PDGFRB: variants seen among roughly 807,000 people sequenced by gnomAD.
PDGFRB encodes platelet derived growth factor receptor beta.
A neutral mutation model predicts 120.2 loss-of-function variants in PDGFRB; 42 were observed. That is an observed-to-expected ratio of 0.35 (90% CI 0.27 to 0.45). The LOEUF (loss-of-function observed/expected upper bound fraction) is 0.45, where lower values mean the gene tolerates loss of function less well. PDGFRB is among the 20% of genes least tolerant of loss of function. The pLI is 1.00. For missense variants in PDGFRB, 1,149 were observed against 1,476.3 expected (o/e 0.78, Z 3.63); for synonymous variants, 586 against 606.8 (o/e 0.97, Z 0.50).
chr5:150,132,965 G>A lies in PDGFRB; in HGVS notation c.935-23C>T, dbSNP rs1308084140. 1 of 1,521,396 alleles carries A rather than the reference G, an allele frequency of 6.6e-7. No homozygotes were observed. Among genetic ancestry groups the A allele is most frequent in the Non-Finnish European group, 8.9e-7 (1 of 1,124,058 alleles). The allele number at this position is 1,521,396 out of a possible 1,614,324, so 94.2% of individuals were successfully genotyped here. On this transcript the variant is annotated intron_variant, in intron 6 of 22. Transcript: ENST00000261799. This position sits in a 1 kb window ranked among gnomAD's most constrained non-coding sequence, Gnocchi z 5.0. ...TCTCTGCAAGGGGTGACCGTCAGGG[G>A]CGGGGCCCTGGGGGCAGGGCACCAA...
At chr5:150,138,045 A>ACAGAAGCAAGGACAAAGACAGAGG (rs1760686866) in intron 1 of PDGFRB, among the ~76,000 whole-genome samples, 6 of 150,588 alleles carry the variant, frequency 4.0e-5, no homozygotes, top group Admixed American at 3.3e-4. Context: ...AAAGACAGAG[A>ACAGAAGCAAGGACAAAGACAGAGG]CAGACTGAAT....
At position 150,132,033 on chromosome 5, in the gene PDGFRB, G is replaced by A. The variant is rs377445092; in HGVS notation, c.1189C>T (p.Arg397Trp). 83 of 1,611,472 alleles carry A rather than the reference G, an allele frequency of 5.2e-5. No individual in the cohort carries two copies. The African/African-American group carries it at 5.9e-4, about 11-fold the overall frequency. Residue 397 changes from arginine to tryptophan, a missense_variant, in exon 8 of 23, where the codon CGG becomes TGG. By Grantham distance (101) the Arg-to-Trp change is moderately radical. Transcript: ENST00000261799. The surrounding 1 kb of genome is among the most constrained non-coding windows in gnomAD (Gnocchi z 5.0). ...KVAEAGHYTM[R>W]AFHEDAEVQL... ...ACCTCAGCATCCTCATGGAAGGCCCGCATGGTGTAGTGGCCAGCCTCTGCC... is the reference window on the plus strand; with the variant it reads ...ACCTCAGCATCCTCATGGAAGGCCCACATGGTGTAGTGGCCAGCCTCTGCC...
At chr5:150,118,922 G>A (rs1760048797) in intron 20 of PDGFRB, 70 bp from the exon 21 acceptor site, 1 of 886,474 alleles carries the variant, frequency 1.1e-6, no homozygotes, top group African/African-American at 1.7e-5. Context: ...TGGGGGAGCA[G>A]GAGGCTGCTG....
Position 150,133,020 on chromosome 5 carries a change from G to T in PDGFRB, c.935-78C>A, listed in dbSNP as rs983780237. ...ATCCCAAAGGAGGCCAGCCTGTGGG[G>T]TGGGGCTTCAGGCCTGGGGACCGTG... On this transcript the variant is annotated intron_variant, in intron 6 of 22. Coordinates refer to ENST00000261799, the MANE Select transcript of PDGFRB (RefSeq NM_002609.4). The T allele has an allele frequency of 4.0e-5, 42 of 1,044,426 alleles. No individual in the cohort carries two copies. In the Admixed American group the frequency reaches 4.1e-4, roughly 10 times the overall value. 64.7% of individuals were successfully genotyped at this position (1,044,426 alleles called of 1,614,324 possible). A position where few individuals can be genotyped will look rare whatever the true frequency, so the allele number is the denominator to read the frequency against.
intron 2 of PDGFRB, 68 bp from the exon 3 acceptor site, chr5:150,135,946 C>A: frequency 8.9e-7 from 1 of 1,122,250 alleles, no homozygotes. Flanking sequence ...GCTGAGCCTG[C>A]GAGGAGGCCA....
chr5:150,145,705 C>A (rs921073990), intron 1 of PDGFRB, among the ~76,000 whole-genome samples: 2 of 152,036 alleles, frequency 1.3e-5, no homozygotes, highest in Non-Finnish European at 2.9e-5. Context: ...AAGGACAGCC[C>A]AGTACCTGGC....
At chr5:150,138,712 G>C (rs902180183) in intron 1 of PDGFRB, among the ~76,000 whole-genome samples, 1 of 152,192 alleles carries the variant, frequency 6.6e-6, no homozygotes, top group African/African-American at 2.4e-5. Context: ...TGGATGCCAG[G>C]CCTCCTTGGT....
chr5:150,154,465 G>C (rs889737373), intron 1 of PDGFRB, among the ~76,000 whole-genome samples: 1 of 152,194 alleles, frequency 6.6e-6, no homozygotes, highest in African/African-American at 2.4e-5. Context: ...TGGGGTTGCT[G>C]GTGAGCATTA....
In PDGFRB at chr5:150,114,673, C is replaced by G. The variant is rs1759868576; in HGVS notation, c.*1090G>C. 4.3e-6 allele frequency: 1 copy of G among 233,290 alleles called. No individual in the cohort carries two copies. Among genetic ancestry groups the G allele is most frequent in the Non-Finnish European group, 8.5e-6 (1 of 118,022 alleles). The allele number at this position is 233,290 out of a possible 1,614,324, so 14.5% of individuals were successfully genotyped here. On this transcript the variant is annotated 3_prime_UTR_variant, in exon 23 of 23. Transcript: ENST00000261799. Reference sequence around the variant, plus strand: ...GAGTGTGATGTGTGATCTGGAATCTCCCAGGAGCCCAGCTGACCCCCAGGA... The same window carrying G: ...GAGTGTGATGTGTGATCTGGAATCTGCCAGGAGCCCAGCTGACCCCCAGGA...
intron 15 of PDGFRB, among the ~76,000 whole-genome samples, chr5:150,122,626 T>C (rs1045440681): frequency 2.6e-5 from 4 of 152,246 alleles, no homozygotes; most frequent in African/African-American, 9.6e-5. Flanking sequence ...GTGTTCTTTT[T>C]GGAAAAGACA....
chr5:150,118,812 T>A lies in PDGFRB; in HGVS notation c.2839A>T (p.Ile947Phe). The A allele has an allele frequency of 6.2e-7, 1 of 1,613,374 alleles. No individual in the cohort carries two copies. Among genetic ancestry groups the A allele is most frequent in the Admixed American group, 1.7e-5 (1 of 59,994 alleles). The change falls in exon 21 of 23, where the codon ATT becomes TTT. Residue 947 changes from isoleucine (I) to phenylalanine (F), a missense_variant. Physicochemically the swap from Ile to Phe is conservative, Grantham distance 21. Coordinates refer to ENST00000261799, the MANE Select transcript of PDGFRB (RefSeq NM_002609.4). ...MQKCWEEKFE[I>F]RPPFSQLVLL... ...ACCAGCTGGGAGAAGGGGGGCCGAA[T>A]CTCAAACTTCTCTTCCCAGCACTTC...
chr5:150,131,348 C>T (rs1243404681), intron 8 of PDGFRB, among the ~76,000 whole-genome samples: 1 of 152,160 alleles, frequency 6.6e-6, no homozygotes, highest in South Asian at 2.1e-4. Context: ...TTGCACTGCC[C>T]GAGGTACCCT....
intron 15 of PDGFRB, among the ~76,000 whole-genome samples, chr5:150,122,441 TG>T (rs368769071): frequency 1.3e-5 from 2 of 152,074 alleles, no homozygotes; most frequent in Non-Finnish European, 2.9e-5. Context: ...CAAAGAGCTG[TG>T]GGGCTCTACA....
chr5:150,114,889 C>T lies in PDGFRB; in HGVS notation c.*874G>A, dbSNP rs995089693. The stretch of plus-strand genomic sequence containing the variant: ...CCTCATAGCAGGTCCAATGCAGAGC[C>T]AGGGCCATATACTGGCACACACACG... On this transcript the variant is annotated 3_prime_UTR_variant, in exon 23 of 23. Coordinates refer to ENST00000261799, the MANE Select transcript of PDGFRB (RefSeq NM_002609.4). 7 of 233,278 alleles carry T rather than the reference C, an allele frequency of 3.0e-5. No homozygotes were observed. Among genetic ancestry groups the T allele is most frequent in the Admixed American group, 1.1e-4 (2 of 17,780 alleles). The allele number at this position is 233,278 out of a possible 1,614,324, so 14.5% of individuals were successfully genotyped here. A position where few individuals can be genotyped will look rare whatever the true frequency, so the allele number is the denominator to read the frequency against.
At chr5:150,141,313 A>T (rs891441606) in intron 1 of PDGFRB, among the ~76,000 whole-genome samples, 2 of 152,244 alleles carry the variant, frequency 1.3e-5, no homozygotes, top group Non-Finnish European at 2.9e-5. Context: ...CTGAACACAC[A>T]GCCATATGCA....
intron 4 of PDGFRB, 94 bp from the exon 5 acceptor site, chr5:150,134,102 G>A (rs1471358118): frequency 2.8e-6 from 3 of 1,084,390 alleles, no homozygotes; most frequent in Admixed American, 1.7e-5. Flanking sequence ...AGAGGGAAAG[G>A]ATGACTGATG....
chr5:150,147,116 C>T lies in PDGFRB; in HGVS notation c.-7+8281G>A, dbSNP rs192319625. On this transcript the variant is annotated intron_variant, in intron 1 of 22. Transcript: ENST00000261799. ...CAGGCAATCAGCCCAGGTGTGTGGCCGGCTCTGCCACAGGCCTGCTGTGCA... is the reference window on the plus strand; with the variant it reads ...CAGGCAATCAGCCCAGGTGTGTGGCTGGCTCTGCCACAGGCCTGCTGTGCA... 3.9e-3 allele frequency among the ~76,000 whole-genome samples: 601 copies of T among 152,268 alleles called. 2 individuals carry two copies. Among genetic ancestry groups the T allele is most frequent in the Admixed American group, 5.6e-3 (86 of 15,302 alleles).
rs904740973 is a variant in PDGFRB at position 150,130,602 on chromosome 5, C to T, written c.1304G>A (p.Arg435His). 25 of 1,612,374 alleles carry T rather than the reference C, an allele frequency of 1.6e-5. No individual in the cohort carries two copies. Among genetic ancestry groups the T allele is most frequent in the East Asian group, 2.2e-5 (1 of 44,868 alleles). ...CTGGGGCATGCCCCGGCCACGACAGCGGACTGTCTGTTCCCCACTGTCAGG... is the reference window on the plus strand; with the variant it reads ...CTGGGGCATGCCCCGGCCACGACAGTGGACTGTCTGTTCCCCACTGTCAGG... ...SHPDSGEQTVRCRGRGMPQPN... is the reference protein window; with the variant it reads ...SHPDSGEQTVHCRGRGMPQPN... The change falls in exon 9 of 23, where the codon CGC becomes CAC. Residue 435 changes from arginine to histidine, a missense_variant. Transcript: ENST00000261799.
At chr5:150,144,565 A>G (rs1260844819) in intron 1 of PDGFRB, among the ~76,000 whole-genome samples, 1 of 152,234 alleles carries the variant, frequency 6.6e-6, no homozygotes, top group Non-Finnish European at 1.5e-5. Context: ...TGATCTCCCC[A>G]GCCCGAGCCC....
Sources: gnomAD v4.1 joint callset for allele counts (sites outside exome capture counted in the v4.1 genomes callset) on GRCh38, gnomAD v4.1.1 for gene constraint, Gnocchi (gnomAD v3.1) non-coding constraint, MANE v1.5 for transcripts, NCBI Gene and HGNC (gene_info 2026-07-23, HGNC 2026-07-21) for gene names.